RSPRY1: variants seen among roughly 807,000 people sequenced by gnomAD.
RSPRY1 encodes ring finger and SPRY domain containing 1.
A neutral mutation model predicts 73.1 loss-of-function variants in RSPRY1; 23 were observed. The ratio of observed to expected loss-of-function variants is 0.31; its 90% confidence interval spans 0.23 to 0.45. The LOEUF (loss-of-function observed/expected upper bound fraction) is 0.45, where lower values mean the gene tolerates loss of function less well. Among genes scored for constraint, RSPRY1 ranks in the 20% least tolerant of loss-of-function variants. RSPRY1 has a pLI of 1.00. For missense variants in RSPRY1, 448 were observed against 698.7 expected, an observed-to-expected ratio of 0.64 and a Z score of 4.05; for synonymous variants, 226 against 251.4, an observed-to-expected ratio of 0.90 and a Z score of 0.95.
At chr16:57,201,843 C>G (rs998115606) in intron 1 of RSPRY1, among the ~76,000 whole-genome samples, 17 of 152,312 alleles carry the variant, frequency 1.1e-4, no homozygotes, top group African/African-American at 3.8e-4. Context: ...CCTGCAATCG[C>G]AGGCACTCGG....
At chr16:57,186,155 C>T (rs1031449717), upstream of RSPRY1, 10 of 985,530 alleles carry the variant, frequency 1.0e-5, no homozygotes, top group African/African-American at 1.7e-4. Flanking sequence ...TTGGGCCATT[C>T]ACGCCTCAGG....
At chr16:57,220,591 A>G in intron 8 of RSPRY1, 141 bp from the exon 9 acceptor site, 2 of 513,186 alleles carry the variant, frequency 3.9e-6, no homozygotes, top group Non-Finnish European at 7.1e-6. Context: ...ATTATCCACA[A>G]ACATGGATAA....
chr16:57,238,815 C>A, intron 14 of RSPRY1, 64 bp from the exon 15 acceptor site: 1 of 814,832 alleles, frequency 1.2e-6, no homozygotes, highest in Non-Finnish European at 1.9e-6. Flanking sequence ...ATTTAGTTGG[C>A]AGGCAGTTGG....
chr16:57,231,172 G>C lies in RSPRY1; in HGVS notation c.1382G>C (p.Gly461Ala). The C allele has an allele frequency of 1.9e-6, 3 of 1,612,334 alleles. No individual in the cohort carries two copies. The highest frequency in any genetic ancestry group is 1.7e-6 in the Non-Finnish European group (2 of 1,179,256). Residue 461 changes from glycine to alanine, a missense_variant, in exon 13 of 15, where the codon GGA becomes GCA. Transcript: ENST00000394420. ...EKQVFSSTVS[G>A]FFAAASFMSY... Reference sequence around the variant, plus strand: ...TGTACTCATTTTATTTGTAGATCTGGATTTTTTGCTGCAGCTAGTTTCATG... The same window carrying C: ...TGTACTCATTTTATTTGTAGATCTGCATTTTTTGCTGCAGCTAGTTTCATG...
At chr16:57,206,614 G>A (rs571842462) in intron 2 of RSPRY1, among the ~76,000 whole-genome samples, 3 of 152,248 alleles carry the variant, frequency 2.0e-5, no homozygotes, top group African/African-American at 7.2e-5. Context: ...CCAGGCTGGC[G>A]TACAGTGGCG....
In RSPRY1 at chr16:57,235,767, C is replaced by A. The variant is rs893173615; in HGVS notation, c.1634+539C>A. 3.9e-5 allele frequency among the ~76,000 whole-genome samples: 6 copies of A among 152,192 alleles called. No homozygotes were observed. The South Asian group carries it at 8.3e-4, about 21-fold the overall frequency. Reference sequence around the variant, plus strand: ...GTGCCGATTGTTTATGAGCAACACTCAAGTTGATGTTACAAGCCAGCTACC... The same window carrying A: ...GTGCCGATTGTTTATGAGCAACACTAAAGTTGATGTTACAAGCCAGCTACC... On this transcript the variant is annotated intron_variant, in intron 14 of 14. Transcript: ENST00000394420.
chr16:57,238,778 C>G (rs2075338237), intron 14 of RSPRY1, 101 bp from the exon 15 acceptor site: 1 of 601,536 alleles, frequency 1.7e-6, no homozygotes, highest in Non-Finnish European at 2.9e-6. Context: ...GTAACCCTTT[C>G]AATGAACAAA....
chr16:57,203,170 C>T (rs2074657644), intron 1 of RSPRY1, among the ~76,000 whole-genome samples: 1 of 151,952 alleles, frequency 6.6e-6, no homozygotes, highest in African/African-American at 2.4e-5. Context: ...GGTGGCAGCA[C>T]CTGTAGTCCC....
chr16:57,238,106 GCTAT>G (rs1474652417), intron 14 of RSPRY1, among the ~76,000 whole-genome samples: 15 of 152,204 alleles, frequency 9.9e-5, no homozygotes, highest in African/African-American at 2.9e-4. Context: ...AAAAAAAAGT[GCTAT>G]CTAAGAATAC....
chr16:57,209,990 G>A (rs1372299207), intron 4 of RSPRY1, among the ~76,000 whole-genome samples: 1 of 151,366 alleles, frequency 6.6e-6, no homozygotes, highest in East Asian at 2.0e-4. Context: ...TCTCTATCAA[G>A]GCTTTATTTA....
At chr16:57,231,780 T>C (rs1290063289) in intron 13 of RSPRY1, among the ~76,000 whole-genome samples, 2 of 152,222 alleles carry the variant, frequency 1.3e-5, no homozygotes, top group Admixed American at 1.3e-4. Context: ...CTCGGCTTTA[T>C]TGAAACAGAC....
intron 5 of RSPRY1, among the ~76,000 whole-genome samples, chr16:57,213,427 G>A (rs1006442710): frequency 1.3e-5 from 2 of 152,204 alleles, no homozygotes. Flanking sequence ...TATATAATTT[G>A]CATATATACA....
intron 1 of RSPRY1, among the ~76,000 whole-genome samples, chr16:57,196,030 AAAAAAT>A (rs2074438484): frequency 1.3e-5 from 1 of 75,794 alleles, no homozygotes; most frequent in Non-Finnish European, 3.2e-5. Flanking sequence ...CAAAAAAAAA[AAAAAAT>A]ATATATATAT....
intron 1 of RSPRY1, among the ~76,000 whole-genome samples, chr16:57,201,938 G>T (rs1241064537): frequency 6.6e-6 from 1 of 152,184 alleles, no homozygotes; most frequent in African/African-American, 2.4e-5. Flanking sequence ...TGGCATCAGG[G>T]GGAGACCGTG....
intron 5 of RSPRY1, 53 bp downstream of exon 5, chr16:57,213,151 G>C: frequency 6.5e-7 from 1 of 1,547,758 alleles, no homozygotes; most frequent in Admixed American, 1.9e-5. Context: ...GACATTAAAG[G>C]GAAATTTGTA....
intron 8 of RSPRY1, chr16:57,219,622 T>C (rs1287806941): frequency 6.6e-6 from 1 of 152,256 alleles, no homozygotes; most frequent in Non-Finnish European, 1.5e-5. Context: ...GTCTCTTTAC[T>C]TCGTTGATCA....
intron 1 of RSPRY1, among the ~76,000 whole-genome samples, chr16:57,197,750 G>T (rs2146193609): frequency 6.6e-6 from 1 of 152,124 alleles, no homozygotes; most frequent in East Asian, 1.9e-4. Context: ...CAAAGACAGG[G>T]TCTAGCTCTG....
chr16:57,228,272 C>CAAAAAAA (rs34368338), intron 11 of RSPRY1, among the ~76,000 whole-genome samples: 2 of 72,074 alleles, frequency 2.8e-5, no homozygotes, highest in Non-Finnish European at 5.6e-5. Flanking sequence ...GACTCCATCT[C>CAAAAAAA]AAAAAAAAAA....
intron 4 of RSPRY1, among the ~76,000 whole-genome samples, chr16:57,210,226 C>T (rs1673548210): frequency 6.6e-6 from 1 of 151,766 alleles, no homozygotes; most frequent in Non-Finnish European, 1.5e-5. Flanking sequence ...TACAGGCATG[C>T]ACCACCACAC....
Sources: gnomAD v4.1 joint callset for allele counts (sites outside exome capture counted in the v4.1 genomes callset) on GRCh38, gnomAD v4.1.1 for gene constraint, MANE v1.5 for transcripts, NCBI Gene and HGNC (gene_info 2026-07-23, HGNC 2026-07-21) for gene names.